The following PCDHGA4 variants were observed in gnomAD, a reference collection of about 807,000 sequenced individuals.
PCDHGA4 encodes protocadherin gamma-A4.
Under a neutral mutation model 54.6 loss-of-function variants are expected in PCDHGA4, and 38 were observed. That is an observed-to-expected ratio of 0.70 (90% CI 0.54 to 0.91). The LOEUF (loss-of-function observed/expected upper bound fraction) is 0.91. Ranked by LOEUF, PCDHGA4 falls within the 40% of genes least tolerant of loss-of-function variation. The pLI, the probability that PCDHGA4 is intolerant of heterozygous loss-of-function variation, is 0.00. For synonymous variants in PCDHGA4, 511 were observed against 512.9 expected, an observed-to-expected ratio of 1.00 and a Z score of 0.05; for missense variants, 1,298 against 1,220.9, an observed-to-expected ratio of 1.06 and a Z score of -0.94.
At chr5:141,480,398 G>C (rs2099518275) in intron 1 of PCDHGA4, among the ~76,000 whole-genome samples, 1 of 149,050 alleles carries the variant, frequency 6.7e-6, no homozygotes, top group Non-Finnish European at 1.5e-5. Context: ...CATGGCAATA[G>C]AGTGAGACCC....
intron 1 of PCDHGA4, chr5:141,384,667 A>G: frequency 6.2e-7 from 1 of 1,614,186 alleles, no homozygotes. Context: ...CCTGGTGACC[A>G]AGGTGGTGGC....
chr5:141,356,138 G>A lies in PCDHGA4; in HGVS notation c.1031G>A (p.Gly344Glu), dbSNP rs753493345. 6.2e-7 allele frequency: 1 copy of A among 1,613,698 alleles called. No homozygotes were observed. Among genetic ancestry groups the A allele is most frequent in the South Asian group, 1.1e-5 (1 of 90,990 alleles). Residue 344 changes from glycine to glutamate, a missense_variant, in exon 1 of 4, where the codon GGA becomes GAA. Coordinates refer to ENST00000571252, the MANE Select transcript of PCDHGA4 (RefSeq NM_018917.4). ...ILGGLDYEDS[G>E]FYDIDVEAHD... ...GGGGGTCTAGATTATGAGGACTCTGGATTCTATGACATAGATGTAGAAGCC... is the reference window on the plus strand; with the variant it reads ...GGGGGTCTAGATTATGAGGACTCTGAATTCTATGACATAGATGTAGAAGCC...
rs17097297 is a variant in PCDHGA4 at position 141,426,366 on chromosome 5, G to C, written c.2515-68441G>C. 737 of 204,832 alleles carry C rather than the reference G, an allele frequency of 3.6e-3. 4 individuals are homozygous for C. The highest frequency in any genetic ancestry group is 0.015 in the African/African-American group (666 of 43,954). 12.7% of individuals were successfully genotyped at this position (204,832 alleles called of 1,614,324 possible). Reference sequence around the variant, plus strand: ...CTTTCCTGCTGCCTTTGTTCTGCGGGGCACCCTCGGAGCAGATCCGCTACT... The same window carrying C: ...CTTTCCTGCTGCCTTTGTTCTGCGGCGCACCCTCGGAGCAGATCCGCTACT... On this transcript the variant is annotated intron_variant, in intron 1 of 3. Transcript: ENST00000571252.
At chr5:141,394,373 C>T in intron 1 of PCDHGA4, 12 of 1,614,206 alleles carry the variant, frequency 7.4e-6, no homozygotes, top group Non-Finnish European at 1.0e-5. Context: ...TGCAATCTTT[C>T]GACTATGAGC....
intron 1 of PCDHGA4, chr5:141,375,492 C>G (rs1479166064): frequency 9.9e-6 from 16 of 1,614,008 alleles, no homozygotes; most frequent in Non-Finnish European, 1.4e-5. Context: ...AGGGGTGCCT[C>G]CATCTTCTCT....
At chr5:141,500,293 C>T (rs1380080572) in intron 2 of PCDHGA4, among the ~76,000 whole-genome samples, 3 of 151,870 alleles carry the variant, frequency 2.0e-5, no homozygotes, top group Non-Finnish European at 4.4e-5. Flanking sequence ...ACTGCAAGCT[C>T]CGCCTCCCAG....
chr5:141,393,635 C>T, intron 1 of PCDHGA4: 2 of 1,613,868 alleles, frequency 1.2e-6, no homozygotes, highest in East Asian at 4.5e-5. Context: ...AGGGAATCAA[C>T]GGAAAAGTGG....
chr5:141,428,124 C>T, intron 1 of PCDHGA4: 1 of 1,605,400 alleles, frequency 6.2e-7, no homozygotes, highest in South Asian at 1.1e-5. Context: ...CGAGCCCGGG[C>T]TTTTCAGCCT....
chr5:141,427,150 T>C (rs570999921), intron 1 of PCDHGA4: 6 of 456,866 alleles, frequency 1.3e-5, no homozygotes, highest in African/African-American at 4.0e-5. Flanking sequence ...ATTGGAAATA[T>C]GTTTGTGCTA....
intron 1 of PCDHGA4, chr5:141,427,785 TC>T: frequency 6.8e-7 from 1 of 1,470,156 alleles, no homozygotes; most frequent in Non-Finnish European, 9.4e-7. Flanking sequence ...GGCACTGTCG[TC>T]CTACGTGTCC....
In PCDHGA4 at chr5:141,403,920, A is replaced by T. The variant is rs1470961343; in HGVS notation, c.2514+46299A>T. 8.1e-6 allele frequency: 13 copies of T among 1,613,904 alleles called. No homozygotes were observed. Among genetic ancestry groups the T allele is most frequent in the Non-Finnish European group, 1.1e-5 (13 of 1,179,882 alleles). On this transcript the variant is annotated intron_variant, in intron 1 of 3. Transcript: ENST00000571252. ...TATGAAATGGAAATACAAGCTGAAG[A>T]TGGTGGGGGATTGAAAGGGTGGACA...
chr5:141,375,335 T>C, intron 1 of PCDHGA4: 2 of 1,613,812 alleles, frequency 1.2e-6, no homozygotes, highest in Non-Finnish European at 1.7e-6. Flanking sequence ...GGTATTCTTG[T>C]ACAACATCAC....
intron 1 of PCDHGA4, chr5:141,384,244 C>A (rs768651416): frequency 1.2e-5 from 20 of 1,613,710 alleles, no homozygotes; most frequent in Non-Finnish European, 1.7e-5. Flanking sequence ...CAACGATAAC[C>A]CACCCACCTT....
In PCDHGA4 at chr5:141,485,580, A is replaced by C. The variant is rs761157560; in HGVS notation, c.2515-9227A>C. The C allele has an allele frequency of 6.2e-7, 1 of 1,612,610 alleles. No homozygotes were observed. The highest frequency in any genetic ancestry group is 2.2e-5 in the East Asian group (1 of 44,850). ...GATCACGCCCCCCGTTTTCCGCGGCAGCAGCTGGACTTGGAAATTGGGGAG... is the reference window on the plus strand; with the variant it reads ...GATCACGCCCCCCGTTTTCCGCGGCCGCAGCTGGACTTGGAAATTGGGGAG... On this transcript the variant is annotated intron_variant, in intron 1 of 3. Transcript: ENST00000571252. The surrounding 1 kb of genome is among the most constrained non-coding windows in gnomAD (Gnocchi z 5.7).
intron 1 of PCDHGA4, among the ~76,000 whole-genome samples, chr5:141,446,698 G>C (rs750413432): frequency 1.3e-5 from 2 of 152,070 alleles, no homozygotes; most frequent in African/African-American, 4.8e-5. Flanking sequence ...GGCTGGTCTC[G>C]AACTCTGATC....
intron 1 of PCDHGA4, chr5:141,442,367 T>C (rs1304138950): frequency 6.6e-6 from 1 of 152,282 alleles, no homozygotes; most frequent in Non-Finnish European, 1.5e-5. Flanking sequence ...TATGATGCCA[T>C]ATTCCTACCA....
Position 141,511,253 on chromosome 5 carries a change from A to G in PCDHGA4, c.*80A>G. The G allele has an allele frequency of 1.3e-6, 2 of 1,568,402 alleles. No homozygotes were observed. The highest frequency in any genetic ancestry group is 1.7e-6 in the Non-Finnish European group (2 of 1,157,066). On this transcript the variant is annotated 3_prime_UTR_variant, in exon 4 of 4. Coordinates refer to ENST00000571252, the MANE Select transcript of PCDHGA4 (RefSeq NM_018917.4). ...CTCCTTACCTGCACCCAGGCCTCAG[A>G]GTTTCAGGGCTAACCCCCAGAATAC...
rs1255551589 is a variant in PCDHGA4 at position 141,410,375 on chromosome 5, G to A, written c.2514+52754G>A. ...ACGCTCTCTCAGCCCTGCTACTTGG[G>A]ACTGCTTCCATCCTGGTCTCTGTGT... On this transcript the variant is annotated intron_variant, in intron 1 of 3. Coordinates refer to ENST00000571252, the MANE Select transcript of PCDHGA4 (RefSeq NM_018917.4). The A allele has an allele frequency of 6.2e-7, 1 of 1,614,028 alleles. No individual in the cohort carries two copies. Among genetic ancestry groups the A allele is most frequent in the Admixed American group, 1.7e-5 (1 of 60,022 alleles).
chr5:141,386,612 T>C (rs2090642858), intron 1 of PCDHGA4, among the ~76,000 whole-genome samples: 1 of 152,012 alleles, frequency 6.6e-6, no homozygotes, highest in South Asian at 2.1e-4. Context: ...TTTTTTGACA[T>C]GGAGTCTCGC....
Sources: allele counts gnomAD v4.1 joint callset (sites outside exome capture counted in the v4.1 genomes callset), GRCh38; gene constraint gnomAD v4.1.1; non-coding constraint Gnocchi (gnomAD v3.1); transcripts MANE v1.5; gene names NCBI Gene and HGNC (gene_info 2026-07-23, HGNC 2026-07-21).